The following APAF1 variants were observed in gnomAD, a reference collection of about 807,000 sequenced individuals.
APAF1 encodes apoptotic protease-activating factor 1.
In APAF1, 91 loss-of-function variants were observed where a neutral mutation model predicts 152.4. The ratio of observed to expected loss-of-function variants is 0.60; its 90% CI spans 0.50 to 0.71. The LOEUF (loss-of-function observed/expected upper bound fraction) is 0.71. Among genes scored for constraint, APAF1 ranks in the 30% least tolerant of loss-of-function variants. The probability of loss-of-function intolerance (pLI) is 0.00; values close to 1 mark genes in which losing one functional copy is unlikely to be tolerated. For missense variants in APAF1, 1,283 were observed against 1,472.0 expected (o/e 0.87, Z 2.10); for synonymous variants, 484 against 494.1 (o/e 0.98, Z 0.27).
chr12:98,709,014 T>C (rs1406675531), intron 20 of APAF1, among the ~76,000 whole-genome samples: 7 of 152,172 alleles, frequency 4.6e-5, no homozygotes, highest in African/African-American at 1.2e-4. Context: ...GATTCAGACA[T>C]GTCTGATGGA....
chr12:98,696,566 T>C (rs541139987), intron 16 of APAF1, among the ~76,000 whole-genome samples: 1 of 152,358 alleles, frequency 6.6e-6, no homozygotes, highest in East Asian at 1.9e-4. Context: ...CAGAGCTGTA[T>C]GTGTTCTCTG....
At chr12:98,683,772 T>C (rs1031933249) in intron 15 of APAF1, among the ~76,000 whole-genome samples, 9 of 152,084 alleles carry the variant, frequency 5.9e-5, no homozygotes, top group African/African-American at 1.9e-4. Context: ...GGGTCACAAG[T>C]TTAGTTATAT....
At chr12:98,718,179 C>CT (rs1320591713) in intron 22 of APAF1, among the ~76,000 whole-genome samples, 2 of 151,998 alleles carry the variant, frequency 1.3e-5, no homozygotes, top group South Asian at 2.1e-4. Context: ...TACTTTCTTC[C>CT]TTTTTTTCCC....
intron 15 of APAF1, among the ~76,000 whole-genome samples, chr12:98,683,603 TACCTTACAGC>T (rs2153325306): frequency 6.6e-6 from 1 of 152,312 alleles, no homozygotes; most frequent in South Asian, 2.1e-4. Context: ...AAAATGTGGC[TACCTTACAGC>T]TCACAATCAC....
chr12:98,679,729 G>GT (rs2097690394), intron 13 of APAF1, among the ~76,000 whole-genome samples: 1 of 152,362 alleles, frequency 6.6e-6, no homozygotes, highest in South Asian at 2.1e-4. Context: ...GTGCCAGCGT[G>GT]TAAGCTGCTT....
In APAF1 at chr12:98,734,095, T is replaced by C. The variant is rs1315087148; in HGVS notation, c.*1529T>C. The C allele has an allele frequency of 6.6e-6, 1 of 152,260 alleles. No homozygotes were observed. The highest frequency in any genetic ancestry group is 6.5e-5 in the Admixed American group (1 of 15,290). 9.4% of individuals were successfully genotyped at this position (152,260 alleles called of 1,614,324 possible). On this transcript the variant is annotated 3_prime_UTR_variant, in exon 27 of 27. Transcript: ENST00000551964. The stretch of plus-strand genomic sequence containing the variant: ...CCATTTACTTTTAGATGAATGGCAT[T>C]GTGAATGCCATTCTTTTAATGAATT...
intron 22 of APAF1, among the ~76,000 whole-genome samples, chr12:98,717,438 C>T (rs566229691): frequency 2.0e-5 from 3 of 151,124 alleles, no homozygotes; most frequent in Admixed American, 6.6e-5. Flanking sequence ...TGCAATGGTG[C>T]GACCTTGGCT....
At chr12:98,719,790 A>G (rs1048078866) in intron 22 of APAF1, among the ~76,000 whole-genome samples, 3 of 152,056 alleles carry the variant, frequency 2.0e-5, no homozygotes, top group African/African-American at 7.2e-5. Context: ...CCATTTTAGT[A>G]GGGCTTTAGA....
chr12:98,707,876 T>G (rs2097723443), intron 19 of APAF1, among the ~76,000 whole-genome samples: 1 of 152,176 alleles, frequency 6.6e-6, no homozygotes, highest in African/African-American at 2.4e-5. Context: ...CTTCTTGAAA[T>G]GAAATAAGCT....
At position 98,665,582 on chromosome 12, in the gene APAF1, G is replaced by GC; in HGVS notation, c.986dup (p.Leu330ThrfsTer4). On this transcript the variant is annotated frameshift_variant, in exon 8 of 27. Coordinates refer to ENST00000551964, the MANE Select transcript of APAF1 (RefSeq NM_181861.2). LOFTEE classifies it high-confidence loss of function. ...TCCCCTTGTAGTATCTTTAATTGGT[G>GC]CACTTTTACGTGATTTTCCCAATCG... is the stretch of plus-strand genomic sequence containing the variant. 1 of 1,613,254 alleles carries GC rather than the reference G, an allele frequency of 6.2e-7. No individual in the cohort carries two copies. Among genetic ancestry groups the GC allele is most frequent in the Non-Finnish European group, 8.5e-7 (1 of 1,179,632 alleles).
intron 16 of APAF1, among the ~76,000 whole-genome samples, chr12:98,696,732 G>A (rs1240802097): frequency 6.6e-6 from 1 of 152,158 alleles, no homozygotes; most frequent in Non-Finnish European, 1.5e-5. Context: ...CTGGGCTCAA[G>A]TGGTCCGCTT....
At chr12:98,708,287 C>T in intron 19 of APAF1, among the ~76,000 whole-genome samples, 1 of 152,164 alleles carries the variant, frequency 6.6e-6, no homozygotes, top group Non-Finnish European at 1.5e-5. Context: ...AGTTTGATAA[C>T]CAGCAGGAGG....
intron 4 of APAF1, among the ~76,000 whole-genome samples, chr12:98,652,160 C>T (rs2097649798): frequency 1.3e-5 from 2 of 152,168 alleles, no homozygotes; most frequent in Admixed American, 6.5e-5. Context: ...GCTATCTTGT[C>T]CAGGCTGGTC....
At position 98,648,685 on chromosome 12, in the gene APAF1, T is replaced by G; in HGVS notation, c.198T>G (p.Asp66Glu). The change falls in exon 3 of 27, where the codon GAT (aspartate) becomes GAG (glutamate). Residue 66 changes from aspartate (D) to glutamate (E), a missense_variant. By Grantham distance (45) the Asp-to-Glu change is conservative. Coordinates refer to ENST00000551964, the MANE Select transcript of APAF1 (RefSeq NM_181861.2). ...AAATGATACTTAAAAAAGATAATGATTCCTACGTATCATTCTACAATGCTC... is the reference window on the plus strand; with the variant it reads ...AAATGATACTTAAAAAAGATAATGAGTCCTACGTATCATTCTACAATGCTC... ...LIKMILKKDNDSYVSFYNALL... is the reference protein window; with the variant it reads ...LIKMILKKDNESYVSFYNALL... The G allele has an allele frequency of 6.2e-7, 1 of 1,613,992 alleles. No homozygotes were observed. Among genetic ancestry groups the G allele is most frequent in the Non-Finnish European group, 8.5e-7 (1 of 1,179,946 alleles).
chr12:98,719,427 G>A (rs1341655147), intron 22 of APAF1, among the ~76,000 whole-genome samples: 2 of 152,010 alleles, frequency 1.3e-5, no homozygotes, highest in African/African-American at 2.4e-5. Context: ...TTGGCTCACT[G>A]CAGCCTCCGC....
Position 98,696,655 on chromosome 12 carries a change from C to G in APAF1, c.2305-2753C>G, listed in dbSNP as rs60631192. Reference sequence around the variant, plus strand: ...CCTGTGCTTGAAACTTGGGAGTGATCTTTTTGTTTGTTTGTTTGTTTTTAG... The same window carrying G: ...CCTGTGCTTGAAACTTGGGAGTGATGTTTTTGTTTGTTTGTTTGTTTTTAG... On this transcript the variant is annotated intron_variant, in intron 16 of 26. Coordinates refer to ENST00000551964, the MANE Select transcript of APAF1 (RefSeq NM_181861.2). Among the ~76,000 whole-genome samples the G allele has an allele frequency of 8.3e-3, 1,264 of 152,140 alleles. 14 individuals are homozygous for G. Among genetic ancestry groups the G allele is most frequent in the African/African-American group, 0.029 (1,212 of 41,536 alleles).
At chr12:98,687,316 C>G (rs2097698998) in intron 16 of APAF1, among the ~76,000 whole-genome samples, 1 of 149,728 alleles carries the variant, frequency 6.7e-6, no homozygotes, top group Non-Finnish European at 1.5e-5. Flanking sequence ...GAGCTGAGAT[C>G]ACGCCACTCC....
At chr12:98,661,465 C>CTTTATT (rs922354426) in intron 5 of APAF1, among the ~76,000 whole-genome samples, 14 of 151,896 alleles carry the variant, frequency 9.2e-5, no homozygotes, top group African/African-American at 2.7e-4. Context: ...TAGAGTATTT[C>CTTTATT]TTTATTTTTA....
chr12:98,706,629 T>C lies in APAF1; in HGVS notation c.2721+19T>C. The C allele has an allele frequency of 6.2e-7, 1 of 1,613,614 alleles. No individual in the cohort carries two copies. Among genetic ancestry groups the C allele is most frequent in the Non-Finnish European group, 8.5e-7 (1 of 1,179,726 alleles). ...AATCAGGGTGAGAAATATTGAGATT[T>C]TCATTTTGAACATTTCCTGATGGTG... On this transcript the variant is annotated intron_variant, in intron 19 of 26. Transcript: ENST00000551964.
Sources: allele counts gnomAD v4.1 joint callset (sites outside exome capture counted in the v4.1 genomes callset), GRCh38; gene constraint gnomAD v4.1.1; transcripts MANE v1.5; gene names NCBI Gene and HGNC (gene_info 2026-07-23, HGNC 2026-07-21).